RETREG1: variants seen among roughly 807,000 people sequenced by gnomAD.
RETREG1 encodes the protein reticulophagy regulator 1, also known as family with sequence similarity 134 member B.
RETREG1 carries 44 observed loss-of-function variants against 54.8 expected under a neutral mutation model. The ratio of observed to expected loss-of-function variants is 0.80; its 90% CI spans 0.63 to 1.03. The LOEUF (loss-of-function observed/expected upper bound fraction) is 1.03, where lower values mean the gene tolerates loss of function less well. RETREG1 is among the 50% of genes least tolerant of loss of function. The pLI is 0.00. For synonymous variants in RETREG1, 217 were observed against 238.5 expected, an observed-to-expected ratio of 0.91 and a Z score of 0.83; for missense variants, 554 against 605.1, an observed-to-expected ratio of 0.92 and a Z score of 0.89.
At chr5:16,551,317 C>T (rs1327327512) in intron 3 of RETREG1, among the ~76,000 whole-genome samples, 1 of 152,052 alleles carries the variant, frequency 6.6e-6, no homozygotes. Context: ...ACATGGAGAA[C>T]TGTTGATAAA....
chr5:16,485,560 A>C (rs561275909), intron 3 of RETREG1, among the ~76,000 whole-genome samples: 3 of 152,316 alleles, frequency 2.0e-5, no homozygotes, highest in Non-Finnish European at 4.4e-5. Context: ...TGGAAATGAC[A>C]CCATATCCAT....
rs1743484098 is a variant in RETREG1, at chr5:16,615,643, A to G, written c.320+1009T>C. Reference sequence around the variant, plus strand: ...GTTAATTCACTTTCAGGGACCTCCGACAAGATACAGCTAGTTTTAAGAGAA... The same window carrying G: ...GTTAATTCACTTTCAGGGACCTCCGGCAAGATACAGCTAGTTTTAAGAGAA... On this transcript the variant is annotated intron_variant, in intron 1 of 8. Coordinates refer to ENST00000306320, the MANE Select transcript of RETREG1 (RefSeq NM_001034850.3). 2.0e-5 allele frequency among the ~76,000 whole-genome samples: 3 copies of G among 152,200 alleles called. No homozygotes were observed. In the South Asian group the frequency reaches 6.2e-4, roughly 32 times the overall value.
chr5:16,532,519 A>C (rs1288666737), intron 3 of RETREG1, among the ~76,000 whole-genome samples: 2 of 152,202 alleles, frequency 1.3e-5, no homozygotes, highest in Non-Finnish European at 2.9e-5. Context: ...TTAGCTCTCC[A>C]TGCAGACAAT....
chr5:16,590,961 G>GCA (rs939273688), intron 1 of RETREG1, among the ~76,000 whole-genome samples: 3 of 151,610 alleles, frequency 2.0e-5, no homozygotes, highest in South Asian at 2.1e-4. Flanking sequence ...AAACACACAT[G>GCA]CACACACACA....
chr5:16,508,563 A>G (rs2126563811), intron 3 of RETREG1: 11 of 1,610,568 alleles, frequency 6.8e-6, no homozygotes, highest in Non-Finnish European at 9.3e-6. Context: ...GTACGTACGT[A>G]TATATCACAA....
chr5:16,575,087 G>A (rs1282163009), intron 1 of RETREG1, among the ~76,000 whole-genome samples: 1 of 152,126 alleles, frequency 6.6e-6, no homozygotes, highest in African/African-American at 2.4e-5. Flanking sequence ...CCGACCTCAC[G>A]TTGAAGTGGC....
intron 3 of RETREG1, among the ~76,000 whole-genome samples, chr5:16,543,593 T>G (rs1741305683): frequency 6.6e-6 from 1 of 151,848 alleles, no homozygotes; most frequent in Admixed American, 6.6e-5. Flanking sequence ...GGAGAATCAC[T>G]TGAACCCAGG....
intron 3 of RETREG1, among the ~76,000 whole-genome samples, chr5:16,503,540 G>T (rs1323332416): frequency 1.3e-5 from 2 of 151,630 alleles, no homozygotes; most frequent in Admixed American, 1.3e-4. Flanking sequence ...GTGGTGGCAG[G>T]CGCCTGTAAT....
At chr5:16,582,126 T>C (rs1222424545) in intron 1 of RETREG1, among the ~76,000 whole-genome samples, 1 of 152,218 alleles carries the variant, frequency 6.6e-6, no homozygotes, top group Non-Finnish European at 1.5e-5. Flanking sequence ...CATAAATACA[T>C]AAAGTCTATG....
Position 16,593,575 on chromosome 5 carries a change from G to GA in RETREG1, c.321-21474dup, listed in dbSNP as rs372703033. Among the ~76,000 whole-genome samples, 28 of 147,600 alleles carry GA rather than the reference G, an allele frequency of 1.9e-4. 1 individual carries two copies. The South Asian group carries it at 2.2e-3, about 11-fold the overall frequency. ...ATAATGACAGCTTGCCAAATTGGGGGAAAAAAAAAACTATGGGGAACATTA... is the reference window on the plus strand; with the variant it reads ...ATAATGACAGCTTGCCAAATTGGGGGAAAAAAAAAAACTATGGGGAACATTA... On this transcript the variant is annotated intron_variant, in intron 1 of 8. Transcript: ENST00000306320. This position sits in a 1 kb window ranked among gnomAD's most constrained non-coding sequence, Gnocchi z 4.9.
At chr5:16,607,394 A>T (rs1322764601) in intron 1 of RETREG1, among the ~76,000 whole-genome samples, 1 of 152,084 alleles carries the variant, frequency 6.6e-6, no homozygotes, top group Non-Finnish European at 1.5e-5. Context: ...TGGGCAGATC[A>T]CCTGAGGCCA....
intron 3 of RETREG1, among the ~76,000 whole-genome samples, chr5:16,535,443 C>T (rs1741034507): frequency 6.6e-6 from 1 of 151,946 alleles, no homozygotes; most frequent in African/African-American, 2.4e-5. Flanking sequence ...AGCTGGAATT[C>T]CTCCATGCGT....
chr5:16,505,945 G>C (rs1739936182), intron 3 of RETREG1, among the ~76,000 whole-genome samples: 1 of 152,200 alleles, frequency 6.6e-6, no homozygotes, highest in South Asian at 2.1e-4. Context: ...CTTGACCTTG[G>C]AAAAGGGCAT....
intron 3 of RETREG1, among the ~76,000 whole-genome samples, chr5:16,563,459 A>G (rs998875509): frequency 6.6e-5 from 10 of 151,972 alleles, no homozygotes; most frequent in Admixed American, 6.6e-4. Flanking sequence ...GGGTCTCCCT[A>G]CCATTGCCCA....
intron 3 of RETREG1, among the ~76,000 whole-genome samples, chr5:16,557,875 C>A (rs1440234179): frequency 1.3e-5 from 2 of 151,852 alleles, no homozygotes; most frequent in African/African-American, 4.8e-5. Context: ...AAGTCCCCTG[C>A]AAAACTCATG....
At chr5:16,571,503 A>G (rs1372196458) in intron 2 of RETREG1, among the ~76,000 whole-genome samples, 1 of 148,684 alleles carries the variant, frequency 6.7e-6, no homozygotes, top group Admixed American at 6.7e-5. Context: ...CCTCAGGCCA[A>G]TTTTTTTTTT....
chr5:16,607,703 G>A (rs767594564), intron 1 of RETREG1, among the ~76,000 whole-genome samples: 1 of 151,984 alleles, frequency 6.6e-6, no homozygotes, highest in South Asian at 2.1e-4. Flanking sequence ...TTAATATTAG[G>A]GTAATAGATG....
chr5:16,541,798 A>AAGGAAGGAAGGG (rs1489666471), intron 3 of RETREG1, among the ~76,000 whole-genome samples: 2 of 110,836 alleles, frequency 1.8e-5, no homozygotes, highest in African/African-American at 6.6e-5. Context: ...GGAAGGAAGG[A>AAGGAAGGAAGGG]AAGGAAGGAA....
intron 1 of RETREG1, among the ~76,000 whole-genome samples, chr5:16,572,985 C>A (rs1742219204): frequency 6.6e-6 from 1 of 151,966 alleles, no homozygotes; most frequent in Non-Finnish European, 1.5e-5. Flanking sequence ...GAGATTGAGA[C>A]CATCCTGGCC....
Sources: allele counts gnomAD v4.1 joint callset (sites outside exome capture counted in the v4.1 genomes callset), GRCh38; gene constraint gnomAD v4.1.1; non-coding constraint Gnocchi (gnomAD v3.1); transcripts MANE v1.5; gene names NCBI Gene and HGNC (gene_info 2026-07-23, HGNC 2026-07-21).